The following ASIC2 variants were observed in gnomAD, a reference collection of about 807,000 sequenced individuals.
ASIC2 encodes the protein acid-sensing ion channel 2.
Under a neutral mutation model 57.3 loss-of-function variants are expected in ASIC2, and 25 were observed. The ratio of observed to expected loss-of-function variants is 0.44; its 90% CI spans 0.32 to 0.61. ASIC2 has a LOEUF of 0.61. Among genes scored for constraint, ASIC2 ranks in the 20% least tolerant of loss-of-function variants. ASIC2 has a pLI of 0.06. For synonymous variants in ASIC2, 319 were observed against 307.5 expected, an observed-to-expected ratio of 1.04 and a Z score of -0.39; for missense variants, 641 against 738.1, an observed-to-expected ratio of 0.87 and a Z score of 1.52.
chr17:33,405,920 A>G lies in ASIC2; in HGVS notation c.556-293853T>C, dbSNP rs1910459178. ...CAGGGGCCAGGTACCAGACAGTTAG[A>G]GACGACCCTGCCAGCCCGAGCCTGC... is the stretch of plus-strand genomic sequence containing the variant. On this transcript the variant is annotated intron_variant, in intron 1 of 9. Coordinates refer to the ASIC2 transcript ENST00000359872. 1.3e-5 allele frequency among the ~76,000 whole-genome samples: 2 copies of G among 152,168 alleles called. 1 individual carries two copies. Among genetic ancestry groups the G allele is most frequent in the South Asian group, 4.1e-4 (2 of 4,824 alleles).
intron 1 of ASIC2, among the ~76,000 whole-genome samples, chr17:33,736,317 C>G (rs114436510): frequency 1.3e-5 from 2 of 151,956 alleles, no homozygotes; most frequent in African/African-American, 4.8e-5. Context: ...GCGATAAAAG[C>G]TCAGCCTGCT....
chr17:33,914,355 C>T (rs577962570), intron 1 of ASIC2, among the ~76,000 whole-genome samples: 1 of 152,134 alleles, frequency 6.6e-6, no homozygotes, highest in Non-Finnish European at 1.5e-5. Flanking sequence ...GTGGGGAAGC[C>T]AGAGCCTCTG....
chr17:34,154,796 C>T (rs1409616489), intron 1 of ASIC2, among the ~76,000 whole-genome samples: 4 of 152,180 alleles, frequency 2.6e-5, no homozygotes. Context: ...CGTTCTGAGA[C>T]TCAAAAGCTC....
intron 1 of ASIC2, among the ~76,000 whole-genome samples, chr17:33,356,642 T>C (rs1447802478): frequency 6.6e-6 from 1 of 152,130 alleles, no homozygotes; most frequent in African/African-American, 2.4e-5. Flanking sequence ...TGTTAACCTC[T>C]TGTCTTAATA....
chr17:33,753,540 C>T (rs1910497999), intron 1 of ASIC2, among the ~76,000 whole-genome samples: 2 of 152,180 alleles, frequency 1.3e-5, no homozygotes, highest in South Asian at 2.1e-4. Context: ...ATGAACAATT[C>T]GTGAATGGGG....
chr17:33,097,449 G>A (rs114199639), intron 2 of ASIC2, among the ~76,000 whole-genome samples: 1,556 of 152,310 alleles, frequency 0.01, 33 homozygotes, highest in African/African-American at 0.036. Flanking sequence ...ATTGACTCAC[G>A]GCTGCGTAGA....
At chr17:33,866,874 A>G (rs1418228380) in intron 1 of ASIC2, among the ~76,000 whole-genome samples, 2 of 152,248 alleles carry the variant, frequency 1.3e-5, no homozygotes, top group East Asian at 1.9e-4. Context: ...ACATCTCACT[A>G]GCCTAAAGCA....
intron 1 of ASIC2, among the ~76,000 whole-genome samples, chr17:33,918,221 T>C (rs1165885021): frequency 6.6e-6 from 1 of 152,156 alleles, no homozygotes; most frequent in East Asian, 1.9e-4. Flanking sequence ...CTCCCATAAA[T>C]CTTTTGCTGA....
intron 1 of ASIC2, among the ~76,000 whole-genome samples, chr17:33,484,095 G>A (rs1002012602): frequency 6.6e-6 from 1 of 152,216 alleles, no homozygotes; most frequent in Non-Finnish European, 1.5e-5. Context: ...AAACAGCCCT[G>A]CTAATGATGT....
intron 1 of ASIC2, among the ~76,000 whole-genome samples, chr17:33,379,519 C>A (rs578043993): frequency 9.9e-5 from 15 of 152,264 alleles, no homozygotes; most frequent in Middle Eastern, 3.4e-3. Flanking sequence ...CCCGTGGATG[C>A]CCCAGTATTT....
intron 1 of ASIC2, among the ~76,000 whole-genome samples, chr17:33,156,070 A>G (rs1904992788): frequency 6.6e-6 from 1 of 152,162 alleles, no homozygotes; most frequent in Non-Finnish European, 1.5e-5. Flanking sequence ...TCAGATGGAC[A>G]AAATCATAAC....
intron 1 of ASIC2, among the ~76,000 whole-genome samples, chr17:33,523,971 A>G (rs985886297): frequency 1.3e-5 from 2 of 151,018 alleles, no homozygotes; most frequent in African/African-American, 4.9e-5. Flanking sequence ...TCTTCGGATG[A>G]CCCCTGGGCC....
chr17:33,830,707 C>A (rs1239257326), intron 1 of ASIC2, among the ~76,000 whole-genome samples: 1 of 152,034 alleles, frequency 6.6e-6, no homozygotes, highest in Non-Finnish European at 1.5e-5. Context: ...AATGCTCTCC[C>A]TCCCCTTGCC....
intron 1 of ASIC2, among the ~76,000 whole-genome samples, chr17:33,608,336 AG>A (rs1335244648): frequency 1.3e-5 from 2 of 151,542 alleles, no homozygotes; most frequent in Non-Finnish European, 2.9e-5. Context: ...GTTTGATCCC[AG>A]TCTGCTGCTC....
At chr17:33,199,782 T>C (rs1906781770) in intron 1 of ASIC2, among the ~76,000 whole-genome samples, 1 of 152,186 alleles carries the variant, frequency 6.6e-6, no homozygotes, top group Non-Finnish European at 1.5e-5. Flanking sequence ...CATTCCAACC[T>C]GGATACATGT....
intron 1 of ASIC2, among the ~76,000 whole-genome samples, chr17:33,899,472 G>A (rs1915184469): frequency 6.6e-6 from 1 of 152,126 alleles, no homozygotes; most frequent in Admixed American, 6.6e-5. Flanking sequence ...GGGTGGCCAG[G>A]GTCTGAAACA....
chr17:34,052,851 T>G (rs1292060038), intron 1 of ASIC2, among the ~76,000 whole-genome samples: 3 of 152,048 alleles, frequency 2.0e-5, no homozygotes, highest in African/African-American at 7.2e-5. Flanking sequence ...ACTCCTGACC[T>G]CAGGTGATCC....
intron 1 of ASIC2, among the ~76,000 whole-genome samples, chr17:33,738,593 C>T (rs142092761): frequency 2.8e-4 from 43 of 152,316 alleles, no homozygotes; most frequent in African/African-American, 9.9e-4. Flanking sequence ...CTAACTCCTT[C>T]TTACTGCCTT....
chr17:33,279,071 A>G (rs1304683313), intron 1 of ASIC2, among the ~76,000 whole-genome samples: 2 of 152,350 alleles, frequency 1.3e-5, no homozygotes, highest in Non-Finnish European at 1.5e-5. Flanking sequence ...TGAGATAACC[A>G]TAGAAGAGAT....
Sources: allele counts gnomAD v4.1 joint callset (sites outside exome capture counted in the v4.1 genomes callset), GRCh38; gene constraint gnomAD v4.1.1; transcripts MANE v1.5; gene names NCBI Gene and HGNC (gene_info 2026-07-23, HGNC 2026-07-21).